The following SF3B1 variants were observed in gnomAD, a reference collection of about 807,000 sequenced individuals.
The protein encoded by SF3B1 is pre-mRNA processing 10.
Under a neutral mutation model 153.8 loss-of-function variants are expected in SF3B1, and 12 were observed. That is an observed-to-expected ratio of 0.08 (90% CI 0.05 to 0.13). SF3B1 has a LOEUF of 0.13. Among genes scored for constraint, SF3B1 ranks in the 10% least tolerant of loss-of-function variants. SF3B1 has a pLI of 1.00. For synonymous variants in SF3B1, 498 were observed against 525.2 expected, an observed-to-expected ratio of 0.95 and a Z score of 0.71; for missense variants, 513 against 1,606.1, an observed-to-expected ratio of 0.32 and a Z score of 11.63.
intron 4 of SF3B1, chr2:197,419,068 T>G (rs1236538735): frequency 1.3e-6 from 1 of 761,074 alleles, no homozygotes; most frequent in Non-Finnish European, 2.2e-6. Flanking sequence ...AGATAAGTTC[T>G]TCATACAGTG....
intron 1 of SF3B1, among the ~76,000 whole-genome samples, chr2:197,429,522 G>C (rs141983683): frequency 1.3e-5 from 2 of 152,158 alleles, no homozygotes; most frequent in Admixed American, 1.3e-4. Flanking sequence ...GGTGGCTCAC[G>C]CCTGTAATCC....
chr2:197,412,854 G>A (rs1202183625), intron 6 of SF3B1, among the ~76,000 whole-genome samples: 2 of 149,872 alleles, frequency 1.3e-5, no homozygotes, highest in African/African-American at 4.9e-5. Flanking sequence ...GCAGGCACCT[G>A]TAATCCCAGC....
chr2:197,406,434 A>G (rs1448671771), intron 9 of SF3B1, among the ~76,000 whole-genome samples: 1 of 152,218 alleles, frequency 6.6e-6, no homozygotes, highest in African/African-American at 2.4e-5. Flanking sequence ...GCACCAGCAC[A>G]GACCACTAAG....
intron 1 of SF3B1, among the ~76,000 whole-genome samples, chr2:197,432,815 G>T (rs185039825): frequency 6.6e-6 from 1 of 151,968 alleles, no homozygotes; most frequent in Non-Finnish European, 1.5e-5. Context: ...GCTGTGAGCC[G>T]AGATTGCACC....
Position 197,402,427 on chromosome 2 carries a change from T to G in SF3B1, c.2077+129A>C. On this transcript the variant is annotated intron_variant, in intron 14 of 24. Transcript: ENST00000335508. This position sits in a 1 kb window ranked among gnomAD's most constrained non-coding sequence, Gnocchi z 4.6. ...GGACAGGCTGTGTGTGTACCTCTAGTCCCAACTACTAAGGAGGCTGAGCAG... is the reference window on the plus strand; with the variant it reads ...GGACAGGCTGTGTGTGTACCTCTAGGCCCAACTACTAAGGAGGCTGAGCAG... 1 of 810,672 alleles carries G rather than the reference T, an allele frequency of 1.2e-6. No homozygotes were observed. The highest frequency in any genetic ancestry group is 2.8e-5 in the Admixed American group (1 of 35,496). 50.2% of individuals were successfully genotyped at this position (810,672 alleles called of 1,614,324 possible).
At chr2:197,421,003 A>G (rs762063334) in intron 3 of SF3B1, 26 bp downstream of exon 3, 8 of 1,429,778 alleles carry the variant, frequency 5.6e-6, no homozygotes, top group African/African-American at 1.4e-5. Flanking sequence ...AGCTGAATAA[A>G]CTATGCTTTT....
intron 9 of SF3B1, among the ~76,000 whole-genome samples, chr2:197,405,918 A>G (rs1378550587): frequency 6.6e-6 from 1 of 152,114 alleles, no homozygotes; most frequent in East Asian, 1.9e-4. Context: ...AAATTCTTGC[A>G]CTACAAAATC....
chr2:197,406,398 A>G (rs1361652645), intron 9 of SF3B1, among the ~76,000 whole-genome samples: 1 of 152,178 alleles, frequency 6.6e-6, no homozygotes, highest in East Asian at 1.9e-4. Context: ...CTTTGCACAG[A>G]TATTTTTTGT....
intron 6 of SF3B1, among the ~76,000 whole-genome samples, chr2:197,412,073 G>A (rs1192454801): frequency 1.4e-5 from 2 of 146,440 alleles, no homozygotes; most frequent in African/African-American, 5.1e-5. Flanking sequence ...TCACGCCACT[G>A]CACTCCAGCC....
At position 197,389,852 on chromosome 2, in the gene SF3B1, A is replaced by T. The variant is rs1375497447; in HGVS notation, c.*2451T>A. On this transcript the variant is annotated 3_prime_UTR_variant, in exon 25 of 25. Coordinates refer to ENST00000335508, the MANE Select transcript of SF3B1 (RefSeq NM_012433.4). The stretch of plus-strand genomic sequence containing the variant: ...CACAGGGCACTGTACAACAAATTTT[A>T]AAAATACAATATGAAAAAAATCAAA... 1 of 152,216 alleles carries T rather than the reference A, an allele frequency of 6.6e-6. No homozygotes were observed. The highest frequency in any genetic ancestry group is 1.5e-5 in the Non-Finnish European group (1 of 68,048). 9.4% of individuals were successfully genotyped at this position (152,216 alleles called of 1,614,324 possible).
chr2:197,427,778 T>C (rs1559279657), intron 1 of SF3B1, among the ~76,000 whole-genome samples: 1 of 152,156 alleles, frequency 6.6e-6, no homozygotes, highest in Non-Finnish European at 1.5e-5. Context: ...CCCAGCACTT[T>C]GGGAGGCCGA....
intron 9 of SF3B1, among the ~76,000 whole-genome samples, chr2:197,407,079 C>A (rs2085002884): frequency 1.3e-5 from 2 of 152,050 alleles, no homozygotes; most frequent in South Asian, 2.1e-4. Context: ...CACAGTGAGA[C>A]CCTGTCTCTA....
At position 197,416,922 on chromosome 2, in the gene SF3B1, CAGTG is replaced by C. The variant is rs774756451; in HGVS notation, c.496-15_496-12del. On this transcript the variant is annotated splice_polypyrimidine_tract_variant and intron_variant, in intron 5 of 24. Transcript: ENST00000335508. ...TTGCCTAATTTCTCGCTGAAAAAAA[CAGTG>C]AGTATTTACCTTTAAAATGCTTTCA... 1.3e-4 allele frequency: 204 copies of C among 1,609,652 alleles called. No individual in the cohort carries two copies. In the East Asian group the frequency reaches 3.5e-3, roughly 28 times the overall value.
chr2:197,391,930 A>G lies in SF3B1; in HGVS notation c.*373T>C. ...ATTCCACATAAACCAATACTTTATC[A>G]AAGTTCCGCATTTTACAAGTCATGT... is the stretch of plus-strand genomic sequence containing the variant. On this transcript the variant is annotated 3_prime_UTR_variant, in exon 25 of 25. Transcript: ENST00000335508. 5.3e-6 allele frequency: 1 copy of G among 187,888 alleles called. No individual in the cohort carries two copies. Among genetic ancestry groups the G allele is most frequent in the Non-Finnish European group, 1.1e-5 (1 of 88,986 alleles). The allele number at this position is 187,888 out of a possible 1,614,324, so 11.6% of individuals were successfully genotyped here. A position where few individuals can be genotyped will look rare whatever the true frequency, so the allele number is the denominator to read the frequency against.
At position 197,397,944 on chromosome 2, in the gene SF3B1, TATAAA is replaced by T. The variant is rs542213472; in HGVS notation, c.3266+36_3266+40del. The T allele has an allele frequency of 1.0e-4, 153 of 1,494,920 alleles. 1 individual carries two copies. In the East Asian group the frequency reaches 3.6e-3, roughly 35 times the overall value. 92.6% of individuals were successfully genotyped at this position (1,494,920 alleles called of 1,614,324 possible). A position where few individuals can be genotyped will look rare whatever the true frequency, so the allele number is the denominator to read the frequency against. ...TTTTCCAATACCACAATGCATTTAT[TATAAA>T]GTAATTTTTTTTTAATGGAAGTAAA... On this transcript the variant is annotated intron_variant, in intron 22 of 24. Transcript: ENST00000335508.
chr2:197,392,047 T>C lies in SF3B1; in HGVS notation c.*256A>G. On this transcript the variant is annotated 3_prime_UTR_variant, in exon 25 of 25. Coordinates refer to ENST00000335508, the MANE Select transcript of SF3B1 (RefSeq NM_012433.4). ...AAACACAAGGAATGAGTTCTAAATC[T>C]TCATAAAGATGAATTAAAAATGAAA... is the stretch of plus-strand genomic sequence containing the variant. 2 of 283,458 alleles carry C rather than the reference T, an allele frequency of 7.1e-6. No homozygotes were observed. Among genetic ancestry groups the C allele is most frequent in the East Asian group, 1.0e-4 (2 of 19,196 alleles). 17.6% of individuals were successfully genotyped at this position (283,458 alleles called of 1,614,324 possible). A position where few individuals can be genotyped will look rare whatever the true frequency, so the allele number is the denominator to read the frequency against.
rs530575972 is a variant in SF3B1 at position 197,390,352 on chromosome 2, AT to A, written c.*1950del. 3.1e-4 allele frequency: 47 copies of A among 152,330 alleles called. 1 individual carries two copies. The East Asian group carries it at 9.1e-3, about 29-fold the overall frequency. 9.4% of individuals were successfully genotyped at this position (152,330 alleles called of 1,614,324 possible). Reference sequence around the variant, plus strand: ...AATTTCCTGAGTCATTTAACATCAAATTTTGGCTTTGTAATCTATTTGTATT... The same window carrying A: ...AATTTCCTGAGTCATTTAACATCAAATTTGGCTTTGTAATCTATTTGTATT... On this transcript the variant is annotated 3_prime_UTR_variant, in exon 25 of 25. Coordinates refer to ENST00000335508, the MANE Select transcript of SF3B1 (RefSeq NM_012433.4).
Position 197,409,884 on chromosome 2 carries a change from C to T in SF3B1, c.790G>A (p.Gly264Arg), listed in dbSNP as rs746096232. ...TCACCTCGTCCAGGAGTAGCAGCTC[C>T]CGCTGGTGTGTGGCTAGGTGTAGGA... ...WDPTPSHTPA[G>R]AATPGRGDTP... is the part of the protein sequence containing the mutation. The change falls in exon 7 of 25, where the codon GGA becomes AGA. Residue 264 changes from glycine (G) to arginine (R), a missense_variant. Gly to Arg is a moderately radical substitution (Grantham distance 125). Coordinates refer to ENST00000335508, the MANE Select transcript of SF3B1 (RefSeq NM_012433.4). 1 of 1,614,170 alleles carries T rather than the reference C, an allele frequency of 6.2e-7. No homozygotes were observed. The highest frequency in any genetic ancestry group is 1.7e-5 in the Admixed American group (1 of 60,024).
Position 197,408,195 on chromosome 2 carries a change from T to C in SF3B1, c.1118-76A>G, listed in dbSNP as rs781165163. On this transcript the variant is annotated intron_variant, in intron 8 of 24. Coordinates refer to ENST00000335508, the MANE Select transcript of SF3B1 (RefSeq NM_012433.4). ...TTACATACATTGAGATAAAAGACAGTTAAGATCAATCCTATTATTTGCTTT... is the reference window on the plus strand; with the variant it reads ...TTACATACATTGAGATAAAAGACAGCTAAGATCAATCCTATTATTTGCTTT... The C allele has an allele frequency of 4.0e-5, 55 of 1,382,540 alleles. No homozygotes were observed. The Middle Eastern group carries it at 9.1e-4, about 23-fold the overall frequency. The allele number at this position is 1,382,540 out of a possible 1,614,324, so 85.6% of individuals were successfully genotyped here. A position where few individuals can be genotyped will look rare whatever the true frequency, so the allele number is the denominator to read the frequency against.
Sources: allele counts gnomAD v4.1 joint callset (sites outside exome capture counted in the v4.1 genomes callset), GRCh38; gene constraint gnomAD v4.1.1; non-coding constraint Gnocchi (gnomAD v3.1); transcripts MANE v1.5; gene names NCBI Gene and HGNC (gene_info 2026-07-23, HGNC 2026-07-21).